SATL1: variants seen among roughly 807,000 people sequenced by gnomAD.
SATL1 encodes the protein spermidine/spermine N1-acetyl transferase like 1, also known as spermidine/spermine N(1)-acetyltransferase-like protein 1.
In SATL1, 47 loss-of-function variants were observed where a neutral mutation model predicts 51.8. The observed-to-expected ratio is 0.91, with a 90% CI of 0.72 to 1.16. The LOEUF is 1.16. SATL1 is among the 50% of genes most tolerant of loss of function. The pLI is 0.00. For synonymous variants in SATL1, 176 were observed against 182.4 expected, an observed-to-expected ratio of 0.97 and a Z score of 0.28; for missense variants, 520 against 526.4, an observed-to-expected ratio of 0.99 and a Z score of 0.12.
intron 2 of SATL1, chrX:85,209,928 G>A (rs1222336708): frequency 9.1e-6 from 1 of 109,399 alleles, no homozygotes; most frequent in African/African-American, 3.3e-5. Context: ...GTAATGTCAG[G>A]GTGTCAATTT....
At chrX:85,199,670 GGC>G (rs781684340) in intron 2 of SATL1, among the ~76,000 whole-genome samples, 271 of 111,825 alleles carry the variant, frequency 2.4e-3, no homozygotes, top group Non-Finnish European at 3.8e-3. Context: ...AAATAAACCA[GGC>G]ACAGAAAGAC....
intron 4 of SATL1, among the ~76,000 whole-genome samples, chrX:85,100,410 C>A (rs1258733987): frequency 1.8e-5 from 2 of 111,051 alleles, no homozygotes; most frequent in African/African-American, 6.5e-5. Flanking sequence ...AAAAAACAAA[C>A]CAAAAAATAA....
Position 85,092,554 on chromosome X carries a change from A to G in SATL1, c.1925T>C (p.Ile642Thr), listed in dbSNP as rs1451538571. 4 of 1,204,656 alleles carry G rather than the reference A, an allele frequency of 3.3e-6. No homozygotes were observed. The Admixed American group carries it at 8.9e-5, about 27-fold the overall frequency. The part of the protein sequence containing the change: ...EMLKRLSQIA[I>T]TTQCNCMHFL... ...GTGCATGCAGTTACATTGAGTTGTG[A>G]TGGCTATCTGTTTAAAAACAAACAA... Residue 642 changes from isoleucine (I) to threonine (T), a missense_variant, in exon 8 of 8, where the codon ATC becomes ACC. By Grantham distance (89) the Ile-to-Thr change is moderately conservative. Coordinates refer to ENST00000644105, the MANE Select transcript of SATL1 (RefSeq NM_001367857.2).
At chrX:85,150,232 C>T (rs1926388357) in intron 2 of SATL1, among the ~76,000 whole-genome samples, 1 of 111,575 alleles carries the variant, frequency 9.0e-6, no homozygotes, top group Admixed American at 9.5e-5. Context: ...GGATAAATTC[C>T]TCGACACATA....
intron 2 of SATL1, among the ~76,000 whole-genome samples, chrX:85,127,887 C>T (rs970863822): frequency 6.3e-5 from 7 of 110,972 alleles, no homozygotes; most frequent in Non-Finnish European, 1.3e-4. Context: ...TGAGTGAGAA[C>T]ATGCAGTGTT....
chrX:85,179,820 G>A (rs1382129389), intron 2 of SATL1, among the ~76,000 whole-genome samples: 1 of 109,677 alleles, frequency 9.1e-6, no homozygotes, highest in Non-Finnish European at 1.9e-5. Flanking sequence ...AGGGCCATGG[G>A]ACTAAGCAAC....
intron 2 of SATL1, among the ~76,000 whole-genome samples, chrX:85,138,170 C>G (rs752804527): frequency 8.9e-6 from 1 of 112,592 alleles, no homozygotes; most frequent in Non-Finnish European, 1.9e-5. Context: ...TGCTTTGTCT[C>G]TTCAGACTAT....
chrX:85,181,522 G>T (rs1342667332), intron 2 of SATL1, among the ~76,000 whole-genome samples: 2 of 110,541 alleles, frequency 1.8e-5, no homozygotes, highest in Non-Finnish European at 3.8e-5. Context: ...TGCCTGTGGG[G>T]TGTAGATGGG....
At chrX:85,093,124 T>C in intron 7 of SATL1, 61 bp downstream of exon 7, 1 of 1,033,926 alleles carries the variant, frequency 9.7e-7, no homozygotes, top group South Asian at 2.2e-5. Context: ...ATTTATGCCC[T>C]GTGAATATTT....
chrX:85,126,838 A>AC (rs768842273), intron 2 of SATL1, among the ~76,000 whole-genome samples: 106 of 101,618 alleles, frequency 1.0e-3, no homozygotes, highest in Non-Finnish European at 1.7e-3. Flanking sequence ...CACAAGTTTT[A>AC]CCCCCCCCAC....
intron 2 of SATL1, among the ~76,000 whole-genome samples, chrX:85,218,427 A>G (rs1264016291): frequency 1.8e-5 from 2 of 111,880 alleles, no homozygotes; most frequent in East Asian, 5.6e-4. Flanking sequence ...TAAATTTATG[A>G]ATGGAGATTT....
chrX:85,177,719 T>C (rs1014108054), intron 2 of SATL1, among the ~76,000 whole-genome samples: 1 of 111,982 alleles, frequency 8.9e-6, no homozygotes, highest in Non-Finnish European at 1.9e-5. Context: ...TGTCATAAAG[T>C]ATAGATAGGA....
intron 2 of SATL1, among the ~76,000 whole-genome samples, chrX:85,222,312 C>T (rs182346186): frequency 2.2e-4 from 24 of 111,439 alleles, no homozygotes; most frequent in Non-Finnish European, 3.8e-4. Context: ...GAGACAGTGC[C>T]CAGCAAATAG....
rs185061466 is a variant in SATL1 at position 85,183,323 on chromosome X, G to T, written c.-313+40882C>A. 2.6e-3 allele frequency among the ~76,000 whole-genome samples: 284 copies of T among 108,869 alleles called. 2 individuals are homozygous for T. Among genetic ancestry groups the T allele is most frequent in the African/African-American group, 9.3e-3 (278 of 29,943 alleles). The allele number at this position is 108,869 out of a possible 115,157, so 94.5% of individuals were successfully genotyped here. ...ATCCAGTTTCCCCAACACCTTCATT[G>T]AAGAGACTGTCCTTTCCCCAATGTT... is the stretch of plus-strand genomic sequence containing the variant. On this transcript the variant is annotated intron_variant, in intron 2 of 7. Transcript: ENST00000644105.
At chrX:85,118,852 C>T (rs1331563312) in intron 2 of SATL1, among the ~76,000 whole-genome samples, 2 of 111,151 alleles carry the variant, frequency 1.8e-5, no homozygotes, top group African/African-American at 6.5e-5. Context: ...TACTTCAACA[C>T]AGCATGTTGT....
chrX:85,196,684 C>A (rs1044370696), intron 2 of SATL1, among the ~76,000 whole-genome samples: 2 of 111,120 alleles, frequency 1.8e-5, no homozygotes, highest in Non-Finnish European at 3.8e-5. Flanking sequence ...CAAAAATAAA[C>A]CCTCACATTT....
chrX:85,195,356 A>C (rs1343827953), intron 2 of SATL1, among the ~76,000 whole-genome samples: 1 of 111,289 alleles, frequency 9.0e-6, no homozygotes, highest in Admixed American at 9.7e-5. Context: ...AAAAACTGGA[A>C]GTAGTGTAGT....
At chrX:85,234,720 T>A (rs73511693) in intron 1 of SATL1, among the ~76,000 whole-genome samples, 11,457 of 109,615 alleles carry the variant, frequency 0.1, 1,455 homozygotes, top group African/African-American at 0.35. Flanking sequence ...TTACAAAAAA[T>A]AAAAAGCAAG....
At chrX:85,115,264 G>C (rs747721535) in intron 2 of SATL1, among the ~76,000 whole-genome samples, 21 of 112,495 alleles carry the variant, frequency 1.9e-4, no homozygotes, top group Admixed American at 1.8e-3. Context: ...TCCCAAAGGA[G>C]GGCTAACTCA....
Sources: allele counts gnomAD v4.1 joint callset (sites outside exome capture counted in the v4.1 genomes callset), GRCh38; gene constraint gnomAD v4.1.1; transcripts MANE v1.5; gene names NCBI Gene and HGNC (gene_info 2026-07-23, HGNC 2026-07-21).